Variants in GSK3B observed in about 807,000 individuals in gnomAD.
GSK3B encodes the protein glycogen synthase kinase-3 beta.
Under a neutral mutation model 56.4 loss-of-function variants are expected in GSK3B, and 15 were observed. That is an observed-to-expected ratio of 0.27 (90% CI 0.18 to 0.41). The LOEUF (loss-of-function observed/expected upper bound fraction) is 0.41. Among genes scored for constraint, GSK3B ranks in the 10% least tolerant of loss-of-function variants. GSK3B has a pLI of 1.00. For synonymous variants in GSK3B, 181 were observed against 188.9 expected (o/e 0.96, Z 0.34); for missense variants, 300 against 513.4 (o/e 0.58, Z 4.02).
chr3:120,026,549 AC>A (rs2057928142), intron 1 of GSK3B, among the ~76,000 whole-genome samples: 1 of 138,288 alleles, frequency 7.2e-6, no homozygotes, highest in South Asian at 2.2e-4. Flanking sequence ...ACACACACAC[AC>A]ACAAACACAC....
intron 2 of GSK3B, among the ~76,000 whole-genome samples, chr3:119,995,459 G>A (rs2057606555): frequency 6.6e-6 from 1 of 151,976 alleles, no homozygotes; most frequent in Non-Finnish European, 1.5e-5. Context: ...TGTTAAGCCT[G>A]AAACAATAAT....
intron 2 of GSK3B, among the ~76,000 whole-genome samples, chr3:119,974,145 G>A (rs2057391400): frequency 6.6e-6 from 1 of 152,170 alleles, no homozygotes; most frequent in South Asian, 2.1e-4. Flanking sequence ...CTGCTCTGAG[G>A]AAGACATGAA....
intron 1 of GSK3B, among the ~76,000 whole-genome samples, chr3:120,006,004 C>T (rs1470527073): frequency 1.3e-5 from 2 of 151,970 alleles, no homozygotes; most frequent in African/African-American, 4.8e-5. Flanking sequence ...GACTCAAGAC[C>T]CATCAATGTG....
At chr3:120,071,502 G>C (rs1410608959) in intron 1 of GSK3B, among the ~76,000 whole-genome samples, 1 of 152,194 alleles carries the variant, frequency 6.6e-6, no homozygotes, top group East Asian at 1.9e-4. Context: ...CCGCCTGTAA[G>C]ATCAGCAGCA....
At chr3:120,073,558 A>G (rs1295139200) in intron 1 of GSK3B, among the ~76,000 whole-genome samples, 1 of 152,222 alleles carries the variant, frequency 6.6e-6, no homozygotes, top group Non-Finnish European at 1.5e-5. Flanking sequence ...AATAAACTGT[A>G]CTTATATATG....
chr3:119,855,596 T>C (rs2056008818), intron 9 of GSK3B, among the ~76,000 whole-genome samples: 1 of 152,146 alleles, frequency 6.6e-6, no homozygotes, highest in Non-Finnish European at 1.5e-5. Context: ...CCATCAATGA[T>C]AGACTGGATT....
At chr3:120,030,587 T>C (rs1327260247) in intron 1 of GSK3B, among the ~76,000 whole-genome samples, 1 of 152,204 alleles carries the variant, frequency 6.6e-6, no homozygotes, top group East Asian at 1.9e-4. Context: ...ACAAAGCATT[T>C]TGCCACCTCA....
At chr3:120,007,290 T>TA (rs1211978353) in intron 1 of GSK3B, among the ~76,000 whole-genome samples, 1 of 151,974 alleles carries the variant, frequency 6.6e-6, no homozygotes, top group East Asian at 1.9e-4. Context: ...CCAAAAAAAG[T>TA]CCAGGACCAG....
chr3:120,074,415 G>C (rs1040856623), intron 1 of GSK3B, among the ~76,000 whole-genome samples: 1 of 148,862 alleles, frequency 6.7e-6, no homozygotes, highest in East Asian at 2.0e-4. Flanking sequence ...GCAGTGGCAC[G>C]ATCTTGGCTT....
At chr3:119,962,752 G>C (rs187314695) in intron 2 of GSK3B, among the ~76,000 whole-genome samples, 3 of 152,318 alleles carry the variant, frequency 2.0e-5, no homozygotes, top group East Asian at 3.9e-4. Flanking sequence ...TTTGGCACAA[G>C]GGACCAGTTC....
chr3:119,851,520 G>C (rs1008060650), intron 9 of GSK3B, among the ~76,000 whole-genome samples: 13 of 152,198 alleles, frequency 8.5e-5, no homozygotes, highest in African/African-American at 3.1e-4. Context: ...TGAAAGATGA[G>C]GACAAATTTG....
chr3:120,044,793 CATG>C (rs1181522441), intron 1 of GSK3B, among the ~76,000 whole-genome samples: 3 of 152,296 alleles, frequency 2.0e-5, no homozygotes, highest in Non-Finnish European at 4.4e-5. Context: ...TGGCCCTAGA[CATG>C]ATATTAGCTG....
chr3:119,827,048 T>C (rs2055521981), intron 10 of GSK3B, among the ~76,000 whole-genome samples, 193 bp from the exon 11 acceptor site: 1 of 152,250 alleles, frequency 6.6e-6, no homozygotes, highest in South Asian at 2.1e-4. Context: ...TGCCTCAGCA[T>C]GGTCCTGGTA....
At chr3:120,031,228 G>GT (rs1478830218) in intron 1 of GSK3B, among the ~76,000 whole-genome samples, 2 of 152,164 alleles carry the variant, frequency 1.3e-5, no homozygotes, top group African/African-American at 2.4e-5. Flanking sequence ...TCTTAGCTGA[G>GT]TAAGAGGCAA....
intron 1 of GSK3B, among the ~76,000 whole-genome samples, chr3:120,039,418 A>T (rs975876670): frequency 6.6e-6 from 1 of 152,212 alleles, no homozygotes; most frequent in African/African-American, 2.4e-5. Context: ...TCAAAGGTTC[A>T]GGTTGTTAAC....
intron 2 of GSK3B, among the ~76,000 whole-genome samples, chr3:119,972,389 G>C (rs1184905823): frequency 6.6e-6 from 1 of 152,128 alleles, no homozygotes; most frequent in Non-Finnish European, 1.5e-5. Context: ...ATGAAAAACA[G>C]AATTAAGGGG....
At chr3:120,030,071 T>C (rs2107520438) in intron 1 of GSK3B, among the ~76,000 whole-genome samples, 1 of 151,998 alleles carries the variant, frequency 6.6e-6, no homozygotes, top group African/African-American at 2.4e-5. Flanking sequence ...TATATCTAGT[T>C]GGAAAAAAAA....
At chr3:119,976,219 C>T (rs1009468364) in intron 2 of GSK3B, among the ~76,000 whole-genome samples, 3 of 152,070 alleles carry the variant, frequency 2.0e-5, no homozygotes, top group Non-Finnish European at 4.4e-5. Flanking sequence ...GATTCCATTC[C>T]TAGGAACACA....
intron 7 of GSK3B, among the ~76,000 whole-genome samples, chr3:119,903,040 T>G (rs1386743169): frequency 6.6e-6 from 1 of 152,140 alleles, no homozygotes; most frequent in Non-Finnish European, 1.5e-5. Context: ...GGGGCTACAT[T>G]AAACACACAC....
Sources: gnomAD v4.1 joint callset for allele counts (sites outside exome capture counted in the v4.1 genomes callset) on GRCh38, gnomAD v4.1.1 for gene constraint, MANE v1.5 for transcripts, NCBI Gene and HGNC (gene_info 2026-07-23, HGNC 2026-07-21) for gene names.